The following ACOT7 variants were observed in gnomAD, a reference collection of about 807,000 sequenced individuals.
ACOT7 encodes the protein cytosolic acyl coenzyme A thioester hydrolase.
Under a neutral mutation model 40.2 loss-of-function variants are expected in ACOT7, and 12 were observed. That is an observed-to-expected ratio of 0.30 (90% CI 0.19 to 0.48). ACOT7 has a LOEUF of 0.48. Ranked by LOEUF, ACOT7 falls within the 20% of genes least tolerant of loss-of-function variation. ACOT7 has a pLI of 0.99. For synonymous variants in ACOT7, 228 were observed against 219.5 expected, an observed-to-expected ratio of 1.04 and a Z score of -0.34; for missense variants, 395 against 530.8, an observed-to-expected ratio of 0.74 and a Z score of 2.51.
chr1:6,358,727 G>T lies in ACOT7; in HGVS notation c.144-8861C>A. ...ACCAGCCAGCCTGCTGGGCACAGGG[G>T]CCGAGTCCCCTCTACCCACCCTTCC... On this transcript the variant is annotated intron_variant, in intron 1 of 8. Transcript: ENST00000361521. This position sits in a 1 kb window ranked among gnomAD's most constrained non-coding sequence, Gnocchi z 4.1. 1.6e-6 allele frequency: 2 copies of T among 1,269,414 alleles called. No homozygotes were observed. Among genetic ancestry groups the T allele is most frequent in the Non-Finnish European group, 2.3e-6 (2 of 882,734 alleles). The allele number at this position is 1,269,414 out of a possible 1,614,324, so 78.6% of individuals were successfully genotyped here.
At position 6,278,937 on chromosome 1, in the gene ACOT7, C is replaced by CA. The variant is rs1409233550; in HGVS notation, c.1014+2164dup. 3.3e-5 allele frequency among the ~76,000 whole-genome samples: 5 copies of CA among 152,152 alleles called. No individual in the cohort carries two copies. Among genetic ancestry groups the CA allele is most frequent in the Non-Finnish European group, 4.4e-5 (3 of 68,032 alleles). On this transcript the variant is annotated intron_variant, in intron 8 of 8. Transcript: ENST00000361521. This position sits in a 1 kb window ranked among gnomAD's most constrained non-coding sequence, Gnocchi z 4.1. ...GAAGACAGAACTGGGAAAGTTTGTCCAGGAGGCAGGAAGAGGTAGGGGGCG... is the reference window on the plus strand; with the variant it reads ...GAAGACAGAACTGGGAAAGTTTGTCCAAGGAGGCAGGAAGAGGTAGGGGGCG...
chr1:6,264,857 C>G (rs1429583196), intron 8 of ACOT7, among the ~76,000 whole-genome samples, 162 bp from the exon 9 acceptor site: 2 of 151,240 alleles, frequency 1.3e-5, no homozygotes, highest in Non-Finnish European at 2.9e-5. Context: ...CTGGGACTGC[C>G]GGGTAGCCCA....
At position 6,373,516 on chromosome 1, in the gene ACOT7, G is replaced by GCTGA. The variant is rs530545224; in HGVS notation, c.143+19737_143+19740dup. On this transcript the variant is annotated intron_variant, in intron 1 of 8. Coordinates refer to ENST00000361521, the MANE Select transcript of ACOT7 (RefSeq NM_007274.4). ...TCCGCCTGCCTCGGCCTCCCAAAGT[G>GCTGA]CTGAGATTACAGGCCTGAGCCACCA... is the stretch of plus-strand genomic sequence containing the variant. 5.0e-4 allele frequency among the ~76,000 whole-genome samples: 76 copies of GCTGA among 152,040 alleles called. No individual in the cohort carries two copies. The East Asian group carries it at 0.011, about 21-fold the overall frequency.
chr1:6,356,825 A>G (rs1641757124), intron 1 of ACOT7, among the ~76,000 whole-genome samples: 1 of 151,922 alleles, frequency 6.6e-6, no homozygotes, highest in Non-Finnish European at 1.5e-5. Context: ...AGGCTGAGGC[A>G]GGAGAATTGT....
Position 6,358,732 on chromosome 1 carries a change from G to A in ACOT7, c.144-8866C>T, listed in dbSNP as rs964665305. ...CCAGCCTGCTGGGCACAGGGGCCGA[G>A]TCCCCTCTACCCACCCTTCCCTTCC... On this transcript the variant is annotated intron_variant, in intron 1 of 8. Coordinates refer to ENST00000361521, the MANE Select transcript of ACOT7 (RefSeq NM_007274.4). This position sits in a 1 kb window ranked among gnomAD's most constrained non-coding sequence, Gnocchi z 4.1. The A allele has an allele frequency of 2.2e-6, 3 of 1,334,390 alleles. No individual in the cohort carries two copies. In the African/African-American group the frequency reaches 4.4e-5, roughly 19 times the overall value. The allele number at this position is 1,334,390 out of a possible 1,614,324, so 82.7% of individuals were successfully genotyped here.
intron 8 of ACOT7, among the ~76,000 whole-genome samples, chr1:6,268,388 C>A (rs1402223487): frequency 6.6e-6 from 1 of 152,166 alleles, no homozygotes; most frequent in Non-Finnish European, 1.5e-5. Flanking sequence ...GTATATTTGA[C>A]CTTTTCTATA....
At position 6,299,939 on chromosome 1, in the gene ACOT7, C is replaced by G. The variant is rs994260293; in HGVS notation, c.713-4959G>C. On this transcript the variant is annotated intron_variant, in intron 6 of 8. Transcript: ENST00000361521. The surrounding 1 kb of genome is among the most constrained non-coding windows in gnomAD (Gnocchi z 4.1). ...AGCTCTGTCAGCCTCCAATGGGGGCCAGGACCAGCTGCATTTGCCATGAAA... is the reference window on the plus strand; with the variant it reads ...AGCTCTGTCAGCCTCCAATGGGGGCGAGGACCAGCTGCATTTGCCATGAAA... 6.6e-6 allele frequency among the ~76,000 whole-genome samples: 1 copy of G among 152,128 alleles called. No individual in the cohort carries two copies. Among genetic ancestry groups the G allele is most frequent in the Admixed American group, 6.5e-5 (1 of 15,280 alleles).
rs776948194 is a variant in ACOT7, at chr1:6,358,866, A to G, written c.144-9000T>C. 28 of 1,613,736 alleles carry G rather than the reference A, an allele frequency of 1.7e-5. 2 individuals are homozygous for G. In the Admixed American group the frequency reaches 4.5e-4, roughly 26 times the overall value. On this transcript the variant is annotated intron_variant, in intron 1 of 8. Transcript: ENST00000361521. The surrounding 1 kb of genome is among the most constrained non-coding windows in gnomAD (Gnocchi z 4.1). ...GCCATGGTGGCTAGGACATCCCAGG[A>G]TCAGATGCAGAGAAAGGCGAGGGAG...
At chr1:6,367,597 C>A (rs1014673309) in intron 1 of ACOT7, among the ~76,000 whole-genome samples, 8 of 152,198 alleles carry the variant, frequency 5.3e-5, no homozygotes, top group Non-Finnish European at 7.3e-5. Context: ...CTGGACCAAG[C>A]GCACCTCAAG....
chr1:6,271,666 G>A (rs1639039486), intron 8 of ACOT7, among the ~76,000 whole-genome samples: 1 of 152,166 alleles, frequency 6.6e-6, no homozygotes, highest in African/African-American at 2.4e-5. Flanking sequence ...TGCAGGCCTG[G>A]GTTAATTACC....
At position 6,345,706 on chromosome 1, in the gene ACOT7, G is replaced by A. The variant is rs144168517; in HGVS notation, c.261+4043C>T. ...CAGCCCCGGCCGTCTTCTGGCTGAC[G>A]GCAGCTCTGAGGATGCAGCTGTCTG... On this transcript the variant is annotated intron_variant, in intron 2 of 8. Transcript: ENST00000361521. 1.4e-4 allele frequency among the ~76,000 whole-genome samples: 22 copies of A among 152,308 alleles called. No individual in the cohort carries two copies. The East Asian group carries it at 2.7e-3, about 19-fold the overall frequency.
chr1:6,353,980 C>T (rs1323243273), intron 1 of ACOT7, among the ~76,000 whole-genome samples: 3 of 152,212 alleles, frequency 2.0e-5, no homozygotes, highest in East Asian at 1.9e-4. Context: ...GCCAGTGACC[C>T]GGGCTGACTG....
chr1:6,326,681 T>C (rs1640805937), intron 5 of ACOT7, among the ~76,000 whole-genome samples: 1 of 151,792 alleles, frequency 6.6e-6, no homozygotes, highest in South Asian at 2.1e-4. Context: ...ATCTCAGCAC[T>C]TTGGGAGGCC....
In ACOT7 at chr1:6,306,092, G is replaced by C. The variant is rs61763887; in HGVS notation, c.713-11112C>G. 1 of 323,502 alleles carries C rather than the reference G, an allele frequency of 3.1e-6. No homozygotes were observed. Among genetic ancestry groups the C allele is most frequent in the Non-Finnish European group, 4.4e-6 (1 of 226,186 alleles). The allele number at this position is 323,502 out of a possible 1,614,324, so 20.0% of individuals were successfully genotyped here. ...CAATCGCAGGCACTCGGCAGGCTGAGGCAGGAGAATCAGGCAGGGAGGTTG... is the reference window on the plus strand; with the variant it reads ...CAATCGCAGGCACTCGGCAGGCTGACGCAGGAGAATCAGGCAGGGAGGTTG... On this transcript the variant is annotated intron_variant, in intron 6 of 8. Transcript: ENST00000361521. The surrounding 1 kb of genome is among the most constrained non-coding windows in gnomAD (Gnocchi z 4.3).
chr1:6,284,053 A>G (rs1344953110), intron 7 of ACOT7, among the ~76,000 whole-genome samples: 1 of 152,174 alleles, frequency 6.6e-6, no homozygotes, highest in Admixed American at 6.5e-5. Context: ...TTAATTTGAA[A>G]CCTAGGGTTG....
chr1:6,335,421 A>G lies in ACOT7; in HGVS notation c.419-1853T>C, dbSNP rs1290354426. ...GATAGGAGGATCGCTTGAGCCCGGA[A>G]GGCAGAGATTACAGTGAGCCTAGAT... On this transcript the variant is annotated intron_variant, in intron 3 of 8. Coordinates refer to ENST00000361521, the MANE Select transcript of ACOT7 (RefSeq NM_007274.4). Among the ~76,000 whole-genome samples the G allele has an allele frequency of 3.9e-5, 6 of 152,058 alleles. No individual in the cohort carries two copies. In the East Asian group the frequency reaches 9.6e-4, roughly 24 times the overall value.
intron 6 of ACOT7, among the ~76,000 whole-genome samples, chr1:6,315,159 T>C (rs958655758): frequency 1.3e-5 from 2 of 152,036 alleles, no homozygotes; most frequent in Non-Finnish European, 2.9e-5. Flanking sequence ...CAGACCTGTG[T>C]GGAAAGTCCT....
intron 6 of ACOT7, among the ~76,000 whole-genome samples, chr1:6,298,263 T>C (rs941842962): frequency 2.0e-5 from 3 of 152,162 alleles, no homozygotes; most frequent in Admixed American, 6.5e-5. Context: ...GCCTCCTAAG[T>C]AGCTGGGATT....
In ACOT7 at chr1:6,282,425, C is replaced by A. The variant is rs1278887310; in HGVS notation, c.830-1139G>T. On this transcript the variant is annotated intron_variant, in intron 7 of 8. Transcript: ENST00000361521. This position sits in a 1 kb window ranked among gnomAD's most constrained non-coding sequence, Gnocchi z 4.5. The stretch of plus-strand genomic sequence containing the variant: ...CCTGCGGTCAGAATGCCCTCCCAGG[C>A]GGCCCAGCGTGGCCTCTATTCTGGG... Among the ~76,000 whole-genome samples, 1 of 152,176 alleles carries A rather than the reference C, an allele frequency of 6.6e-6. No individual in the cohort carries two copies. Among genetic ancestry groups the A allele is most frequent in the Non-Finnish European group, 1.5e-5 (1 of 68,020 alleles).
Sources: gnomAD v4.1 joint callset for allele counts (sites outside exome capture counted in the v4.1 genomes callset) on GRCh38, gnomAD v4.1.1 for gene constraint, Gnocchi (gnomAD v3.1) non-coding constraint, MANE v1.5 for transcripts, NCBI Gene and HGNC (gene_info 2026-07-23, HGNC 2026-07-21) for gene names.